The following ARHGEF19 variants were observed in gnomAD, a reference collection of about 807,000 sequenced individuals.
ARHGEF19 encodes Rho guanine nucleotide exchange factor 19, also known as Rho guanine nucleotide exchange factor (GEF) 19.
A neutral mutation model predicts 87.6 loss-of-function variants in ARHGEF19; 92 were observed. The ratio of observed to expected loss-of-function variants is 1.05; its 90% CI spans 0.89 to 1.25. The LOEUF (loss-of-function observed/expected upper bound fraction) is 1.25. ARHGEF19 is among the 50% of genes most tolerant of loss of function. The pLI, the probability that ARHGEF19 is intolerant of heterozygous loss-of-function variation, is 0.00. For synonymous variants in ARHGEF19, 438 were observed against 446.2 expected (o/e 0.98, Z 0.23); for missense variants, 1,054 against 1,051.8 (o/e 1.00, Z -0.03).
At chr1:16,212,321 A>C (rs2081204784) in intron 1 of ARHGEF19, among the ~76,000 whole-genome samples, 181 bp downstream of exon 1, 1 of 152,188 alleles carries the variant, frequency 6.6e-6, no homozygotes, top group Non-Finnish European at 1.5e-5. Flanking sequence ...TTTAAGGAAT[A>C]AAGCCAGGTG....
chr1:16,204,312 C>A (rs1184743155), intron 12 of ARHGEF19, among the ~76,000 whole-genome samples: 1 of 152,170 alleles, frequency 6.6e-6, no homozygotes. Context: ...TCCTGGCTCC[C>A]CCACCTACTA....
rs1274979318 is a variant in ARHGEF19 at position 16,204,813 on chromosome 1, T to G, written c.1853A>C (p.Lys618Thr). ...APPAKLKLSS[K>T]AVYLHLFNDC... is the part of the protein sequence containing the mutation. ...ATTGAAGAGGTGGAGGTAGACTGCC[T>G]TGCTGGACAGCTTCAGCTTGGCAGG... The change falls in exon 12 of 16, where the codon AAG becomes ACG. Residue 618 changes from lysine to threonine, a missense_variant. Lys to Thr is a moderately conservative substitution (Grantham distance 78). Coordinates refer to ENST00000270747, the MANE Select transcript of ARHGEF19 (RefSeq NM_153213.5). 6.2e-7 allele frequency: 1 copy of G among 1,612,772 alleles called. No individual in the cohort carries two copies. The highest frequency in any genetic ancestry group is 8.5e-7 in the Non-Finnish European group (1 of 1,179,464).
intron 14 of ARHGEF19, among the ~76,000 whole-genome samples, chr1:16,200,896 G>C (rs2081079495): frequency 6.6e-6 from 1 of 151,674 alleles, no homozygotes; most frequent in African/African-American, 2.4e-5. Context: ...GTAAAACTGT[G>C]TCTCCAAAAA....
chr1:16,204,773 G>C lies in ARHGEF19; in HGVS notation c.1893C>G (p.Leu631=), dbSNP rs2081110327. The change falls in exon 12 of 16, where the codon CTC becomes CTG. Residue 631 remains leucine, a synonymous_variant. Transcript: ENST00000270747. ...CCCCGACTCACTCCTTCCGCCGAGA[G>C]AGCAGCAAGCAGTCATTGAAGAGGT... ...YLHLFNDCLL[L]SRRKELGKFA... The C allele has an allele frequency of 6.2e-7, 1 of 1,603,050 alleles. No homozygotes were observed. The highest frequency in any genetic ancestry group is 8.5e-7 in the Non-Finnish European group (1 of 1,172,036).
At chr1:16,204,952 G>A in intron 11 of ARHGEF19, 33 bp from the exon 12 acceptor site, 1 of 1,585,026 alleles carries the variant, frequency 6.3e-7, no homozygotes, top group Non-Finnish European at 8.6e-7. Context: ...GTCAGGCCCA[G>A]GGGCACCAGG....
Position 16,205,868 on chromosome 1 carries a change from A to G in ARHGEF19, c.1451+63T>C. The G allele has an allele frequency of 1.3e-6, 2 of 1,545,904 alleles. No homozygotes were observed. The highest frequency in any genetic ancestry group is 1.7e-6 in the Non-Finnish European group (2 of 1,143,292). On this transcript the variant is annotated intron_variant, in intron 8 of 15. Transcript: ENST00000270747. The surrounding 1 kb of genome is among the most constrained non-coding windows in gnomAD (Gnocchi z 5.8). ...AGTCACCTTACGTCACCCAGCCCTCAGTGCCTACACCTGCCTGAGACTCCC... is the reference window on the plus strand; with the variant it reads ...AGTCACCTTACGTCACCCAGCCCTCGGTGCCTACACCTGCCTGAGACTCCC...
chr1:16,207,717 GGCCGCGACACCCGGTCCCC>G lies in ARHGEF19; in HGVS notation c.736_754del (p.Gly246GlnfsTer16). The G allele has an allele frequency of 1.9e-6, 3 of 1,613,974 alleles. No individual in the cohort carries two copies. The highest frequency in any genetic ancestry group is 2.5e-6 in the Non-Finnish European group (3 of 1,180,010). On this transcript the variant is annotated frameshift_variant, in exon 4 of 16. Coordinates refer to ENST00000270747, the MANE Select transcript of ARHGEF19 (RefSeq NM_153213.5). LOFTEE classifies it high-confidence loss of function. This position sits in a 1 kb window ranked among gnomAD's most constrained non-coding sequence, Gnocchi z 4.0. The stretch of plus-strand genomic sequence containing the variant: ...GCCCTCTCGTGAGTCACCAGGGGCT[GGCCGCGACACCCGGTCCCC>G]GCTCATCTCTACACTTCGAGCCTCC...
In ARHGEF19 at chr1:16,207,140, C is replaced by T. The variant is rs1384996646; in HGVS notation, c.945G>A (p.Glu315=). 35 of 1,527,810 alleles carry T rather than the reference C, an allele frequency of 2.3e-5. No individual in the cohort carries two copies. Among genetic ancestry groups the T allele is most frequent in the South Asian group, 3.6e-5 (3 of 82,842 alleles). 94.6% of individuals were successfully genotyped at this position (1,527,810 alleles called of 1,614,324 possible). The change falls in exon 6 of 16, where the codon GAG becomes GAA. Residue 315 remains glutamate, a synonymous_variant. Coordinates refer to ENST00000270747, the MANE Select transcript of ARHGEF19 (RefSeq NM_153213.5). This position sits in a 1 kb window ranked among gnomAD's most constrained non-coding sequence, Gnocchi z 4.0. The part of the protein sequence containing the change: ...RELRRQQREE[E]GPGDEAEGAE... ...CGCCCTCGGCCTCGTCCCCCGGGCC[C>T]TCCTCCTCGCGCTGCTGCCGCCGCA...
Position 16,204,997 on chromosome 1 carries a change from G to A in ARHGEF19, c.1747-78C>T. On this transcript the variant is annotated intron_variant, in intron 11 of 15. Coordinates refer to ENST00000270747, the MANE Select transcript of ARHGEF19 (RefSeq NM_153213.5). The stretch of plus-strand genomic sequence containing the variant: ...CAAGATGGTAGATGGGAGGGTGTGG[G>A]CAGCGATTAACTGGCCTGAAGCCCC... 3.2e-6 allele frequency: 5 copies of A among 1,562,322 alleles called. No homozygotes were observed. The Admixed American group carries it at 7.7e-5, about 24-fold the overall frequency.
chr1:16,199,586 G>A (rs1374879446), intron 14 of ARHGEF19, among the ~76,000 whole-genome samples: 2 of 151,744 alleles, frequency 1.3e-5, no homozygotes, highest in Non-Finnish European at 2.9e-5. Context: ...ACGTCCAACT[G>A]CCCCCAGATA....
At chr1:16,209,284 T>C (rs1053060245) in intron 1 of ARHGEF19, among the ~76,000 whole-genome samples, 1 of 152,240 alleles carries the variant, frequency 6.6e-6, no homozygotes, top group Non-Finnish European at 1.5e-5. Context: ...TTACACATAC[T>C]ATCTCATTTA....
intron 1 of ARHGEF19, among the ~76,000 whole-genome samples, chr1:16,210,502 A>G (rs1255580668): frequency 2.0e-5 from 3 of 152,240 alleles, no homozygotes; most frequent in Non-Finnish European, 4.4e-5. Flanking sequence ...AGACGTTCAA[A>G]AACAGAAAAA....
At position 16,205,949 on chromosome 1, in the gene ARHGEF19, C is replaced by G. The variant is rs141303748; in HGVS notation, c.1433G>C (p.Arg478Pro). The part of the protein sequence containing the change: ...PYVTNQAYQE[R>P]TYQRLLLENP... ...GCCCTACAGCAGGCGCTGGTAGGTG[C>G]GCTCCTGGTAGGCCTGGTTGGTGAC... Residue 478 changes from arginine (R) to proline (P), a missense_variant, in exon 8 of 16, where the codon CGC becomes CCC. By Grantham distance (103) the Arg-to-Pro change is moderately radical. Transcript: ENST00000270747. This position sits in a 1 kb window ranked among gnomAD's most constrained non-coding sequence, Gnocchi z 5.8. 1 of 1,610,206 alleles carries G rather than the reference C, an allele frequency of 6.2e-7. No individual in the cohort carries two copies. Among genetic ancestry groups the G allele is most frequent in the Non-Finnish European group, 8.5e-7 (1 of 1,178,364 alleles).
In ARHGEF19 at chr1:16,205,330, C is replaced by CCCCTG; in HGVS notation, c.1656+16_1656+20dup. 2 of 1,613,792 alleles carry CCCCTG rather than the reference C, an allele frequency of 1.2e-6. No homozygotes were observed. Among genetic ancestry groups the CCCCTG allele is most frequent in the South Asian group, 1.1e-5 (1 of 91,060 alleles). On this transcript the variant is annotated intron_variant, in intron 10 of 15. Coordinates refer to ENST00000270747, the MANE Select transcript of ARHGEF19 (RefSeq NM_153213.5). The surrounding 1 kb of genome is among the most constrained non-coding windows in gnomAD (Gnocchi z 5.8). ...AGGGGGGGCCTCAGGAGCCAAGCAGCCCCTGCCCTGCCCAGCTCACCTCCT... is the reference window on the plus strand; with the variant it reads ...AGGGGGGGCCTCAGGAGCCAAGCAGCCCCTGCCCTGCCCTGCCCAGCTCACCTCCT...
At chr1:16,211,664 C>T (rs2081197997) in intron 1 of ARHGEF19, among the ~76,000 whole-genome samples, 1 of 152,210 alleles carries the variant, frequency 6.6e-6, no homozygotes, top group Non-Finnish European at 1.5e-5. Context: ...AAGAATGACC[C>T]ATCTAGCTGG....
chr1:16,204,853 G>A lies in ARHGEF19; in HGVS notation c.1813C>T (p.Leu605=). 6.2e-7 allele frequency: 1 copy of A among 1,604,460 alleles called. No individual in the cohort carries two copies. Among genetic ancestry groups the A allele is most frequent in the Non-Finnish European group, 8.5e-7 (1 of 1,175,678 alleles). The change falls in exon 12 of 16, where the codon CTG becomes TTG. Residue 605 remains leucine (L), a synonymous_variant. Transcript: ENST00000270747. Reference sequence around the variant, plus strand: ...AGCTTGGCAGGGGGTGCTGCAGGCAGTGGTGCCAGCTCTACCAACTCTCCA... The same window carrying A: ...AGCTTGGCAGGGGGTGCTGCAGGCAATGGTGCCAGCTCTACCAACTCTCCA... The part of the protein sequence containing the change: ...RHGELVELAP[L]PAAPPAKLKL...
Position 16,208,201 on chromosome 1 carries a change from C to A in ARHGEF19, c.437G>T (p.Arg146Leu). The A allele has an allele frequency of 6.2e-7, 1 of 1,613,160 alleles. No individual in the cohort carries two copies. The highest frequency in any genetic ancestry group is 8.5e-7 in the Non-Finnish European group (1 of 1,179,608). The change falls in exon 3 of 16, where the codon CGT becomes CTT. Residue 146 changes from arginine (R) to leucine (L), a missense_variant. Physicochemically the swap from Arg to Leu is moderately radical, Grantham distance 102. Coordinates refer to ENST00000270747, the MANE Select transcript of ARHGEF19 (RefSeq NM_153213.5). ...SAWRKMRVYQ[R>L]EEVPGCPEAH... is the part of the protein sequence containing the mutation. ...CTCGGGGCAGCCGGGGACCTCTTCACGCTGGTACACCCGCATCTTGCGCCC... is the reference window on the plus strand; with the variant it reads ...CTCGGGGCAGCCGGGGACCTCTTCAAGCTGGTACACCCGCATCTTGCGCCC...
chr1:16,200,414 C>G (rs930726881), intron 14 of ARHGEF19, among the ~76,000 whole-genome samples: 2 of 152,250 alleles, frequency 1.3e-5, no homozygotes, highest in Non-Finnish European at 2.9e-5. Flanking sequence ...TTTCCCTTTA[C>G]TACCTAAAGC....
At position 16,197,882 on chromosome 1, in the gene ARHGEF19, T is replaced by A. The variant is rs2081054839; in HGVS notation, c.*705A>T. On this transcript the variant is annotated 3_prime_UTR_variant, in exon 16 of 16. Coordinates refer to ENST00000270747, the MANE Select transcript of ARHGEF19 (RefSeq NM_153213.5). ...AGAACTAATCAAATCTCTTTAATGT[T>A]TAAGCCTATTTGTATCTGATATTTT... The A allele has an allele frequency of 6.6e-6, 1 of 152,236 alleles. No homozygotes were observed. The highest frequency in any genetic ancestry group is 1.5e-5 in the Non-Finnish European group (1 of 68,044). The allele number at this position is 152,236 out of a possible 1,614,324, so 9.4% of individuals were successfully genotyped here.
Sources: gnomAD v4.1 joint callset for allele counts (sites outside exome capture counted in the v4.1 genomes callset) on GRCh38, gnomAD v4.1.1 for gene constraint, Gnocchi (gnomAD v3.1) non-coding constraint, MANE v1.5 for transcripts, NCBI Gene and HGNC (gene_info 2026-07-23, HGNC 2026-07-21) for gene names.